The following BMPR1B variants were observed in gnomAD, a reference collection of about 807,000 sequenced individuals.
BMPR1B encodes bone morphogenetic protein receptor type-1B.
In BMPR1B, 12 loss-of-function variants were observed where a neutral mutation model predicts 59.1. The observed-to-expected ratio is 0.20, with a 90% CI of 0.13 to 0.33. The LOEUF (loss-of-function observed/expected upper bound fraction) is 0.33. Among genes scored for constraint, BMPR1B ranks in the 10% least tolerant of loss-of-function variants. The pLI is 1.00. For missense variants in BMPR1B, 550 were observed against 610.9 expected, an observed-to-expected ratio of 0.90 and a Z score of 1.05; for synonymous variants, 237 against 207.3, an observed-to-expected ratio of 1.14 and a Z score of -1.23.
At chr4:95,005,323 A>G (rs1010664831) in intron 3 of BMPR1B, among the ~76,000 whole-genome samples, 1 of 152,204 alleles carries the variant, frequency 6.6e-6, no homozygotes, top group Non-Finnish European at 1.5e-5. Flanking sequence ...GTGTATTGCC[A>G]GTGGTATTAA....
intron 10 of BMPR1B, among the ~76,000 whole-genome samples, chr4:95,139,614 C>A (rs1024501913): frequency 6.6e-6 from 1 of 152,182 alleles, no homozygotes; most frequent in Non-Finnish European, 1.5e-5. Context: ...TCAGCAGTGG[C>A]GGACGCCCCT....
At chr4:95,125,252 A>G in intron 8 of BMPR1B, 131 bp downstream of exon 8, 1 of 1,181,490 alleles carries the variant, frequency 8.5e-7, no homozygotes, top group Admixed American at 2.0e-5. Context: ...TGGACATCCG[A>G]TCTCAGCTGC....
intron 3 of BMPR1B, among the ~76,000 whole-genome samples, chr4:95,060,069 G>A (rs184552830): frequency 2.6e-5 from 4 of 152,286 alleles, no homozygotes; most frequent in Admixed American, 2.6e-4. Flanking sequence ...CAGAAACACG[G>A]AGTCTGCAGT....
At chr4:94,918,829 T>C (rs909295178) in intron 2 of BMPR1B, among the ~76,000 whole-genome samples, 7 of 152,210 alleles carry the variant, frequency 4.6e-5, no homozygotes, top group African/African-American at 1.4e-4. Context: ...ATTACTCTTA[T>C]TATATGGCAT....
intron 2 of BMPR1B, among the ~76,000 whole-genome samples, chr4:94,888,982 A>T (rs1727289341): frequency 6.6e-6 from 1 of 151,996 alleles, no homozygotes; most frequent in South Asian, 2.1e-4. Context: ...ATAAAATTTC[A>T]ATAGTTTTTA....
intron 3 of BMPR1B, among the ~76,000 whole-genome samples, chr4:95,077,348 CA>C (rs951397028): frequency 5.9e-5 from 9 of 152,110 alleles, no homozygotes; most frequent in Non-Finnish European, 1.0e-4. Flanking sequence ...GTCATTTAGA[CA>C]AACGGGAATA....
intron 2 of BMPR1B, 67 bp from the exon 3 acceptor site, chr4:94,995,973 A>G (rs1382427222): frequency 6.6e-6 from 1 of 152,230 alleles, no homozygotes; most frequent in Non-Finnish European, 1.5e-5. Flanking sequence ...GCAAGGAAAG[A>G]AAGACTGCAG....
intron 1 of BMPR1B, among the ~76,000 whole-genome samples, chr4:94,810,590 C>T (rs1340205899): frequency 6.6e-6 from 1 of 152,040 alleles, no homozygotes; most frequent in Non-Finnish European, 1.5e-5. Context: ...AAAGCAAATG[C>T]AATTTGATTT....
At chr4:95,064,703 C>A (rs1483456252) in intron 3 of BMPR1B, among the ~76,000 whole-genome samples, 2 of 152,032 alleles carry the variant, frequency 1.3e-5, no homozygotes, top group East Asian at 3.9e-4. Flanking sequence ...AAAAATAACC[C>A]AGTTTGAAAA....
chr4:94,964,971 C>G (rs545500749), intron 2 of BMPR1B, among the ~76,000 whole-genome samples: 75 of 152,252 alleles, frequency 4.9e-4, no homozygotes, highest in African/African-American at 1.8e-3. Flanking sequence ...GAATTTCTTT[C>G]AAGACCATGC....
chr4:95,118,184 G>T (rs972769145), intron 6 of BMPR1B, among the ~76,000 whole-genome samples: 4 of 152,170 alleles, frequency 2.6e-5, no homozygotes, highest in Admixed American at 2.0e-4. Context: ...GTCTACTCAG[G>T]TAGTGTCTAG....
At chr4:94,990,706 T>G (rs370145522) in intron 2 of BMPR1B, among the ~76,000 whole-genome samples, 2 of 125,894 alleles carry the variant, frequency 1.6e-5, no homozygotes, top group African/African-American at 5.5e-5. Flanking sequence ...TGTTGTTGTT[T>G]TTTATACTTT....
At chr4:94,885,427 G>A (rs910848415) in intron 2 of BMPR1B, among the ~76,000 whole-genome samples, 8 of 152,158 alleles carry the variant, frequency 5.3e-5, no homozygotes, top group African/African-American at 1.9e-4. Context: ...TGCATAGAAT[G>A]GTAGAGTTTG....
intron 1 of BMPR1B, among the ~76,000 whole-genome samples, chr4:94,841,554 A>G (rs1325675924): frequency 6.6e-6 from 1 of 151,446 alleles, no homozygotes; most frequent in Non-Finnish European, 1.5e-5. Flanking sequence ...CCTTTCTTTG[A>G]CTAGGAAAGG....
intron 11 of BMPR1B, 75 bp downstream of exon 11, chr4:95,148,998 A>G (rs1470023409): frequency 7.7e-6 from 12 of 1,551,534 alleles, no homozygotes; most frequent in Non-Finnish European, 1.1e-5. Context: ...CAGAAATCAA[A>G]GTTATCATAC....
chr4:94,821,440 T>C (rs1032619613), intron 1 of BMPR1B, among the ~76,000 whole-genome samples: 3 of 150,014 alleles, frequency 2.0e-5, no homozygotes, highest in African/African-American at 7.6e-5. Context: ...TATATGCATA[T>C]ATTCTATAAA....
intron 9 of BMPR1B, 79 bp downstream of exon 9, chr4:95,130,133 C>A: frequency 6.6e-7 from 1 of 1,509,092 alleles, no homozygotes; most frequent in Non-Finnish European, 9.2e-7. Context: ...CATGTTAACT[C>A]ATCTGTCTAG....
chr4:94,824,034 C>T (rs1241859021), intron 1 of BMPR1B, among the ~76,000 whole-genome samples: 1 of 152,240 alleles, frequency 6.6e-6, no homozygotes, highest in African/African-American at 2.4e-5. Flanking sequence ...GCATGAGCCA[C>T]CGTGCCCAGC....
At chr4:95,057,129 T>G (rs1357122058) in intron 3 of BMPR1B, among the ~76,000 whole-genome samples, 1 of 152,242 alleles carries the variant, frequency 6.6e-6, no homozygotes, top group Non-Finnish European at 1.5e-5. Context: ...GCTTGGTGTA[T>G]AGAGGAATCT....
Sources: allele counts gnomAD v4.1 joint callset (sites outside exome capture counted in the v4.1 genomes callset), GRCh38; gene constraint gnomAD v4.1.1; transcripts MANE v1.5; gene names NCBI Gene and HGNC (gene_info 2026-07-23, HGNC 2026-07-21).